PPM1H: variants seen among roughly 807,000 people sequenced by gnomAD.
PPM1H encodes the protein protein phosphatase 1H.
A neutral mutation model predicts 54.9 loss-of-function variants in PPM1H; 27 were observed. That is an observed-to-expected ratio of 0.49 (90% CI 0.36 to 0.68). PPM1H has a LOEUF of 0.68. Among genes scored for constraint, PPM1H ranks in the 30% least tolerant of loss-of-function variants. The pLI, the probability that PPM1H is intolerant of heterozygous loss-of-function variation, is 0.00. For synonymous variants in PPM1H, 305 were observed against 270.8 expected, an observed-to-expected ratio of 1.13 and a Z score of -1.24; for missense variants, 596 against 667.8, an observed-to-expected ratio of 0.89 and a Z score of 1.19.
At chr12:62,835,960 C>T (rs1415479813) in intron 1 of PPM1H, among the ~76,000 whole-genome samples, 1 of 152,170 alleles carries the variant, frequency 6.6e-6, no homozygotes, top group Non-Finnish European at 1.5e-5. Flanking sequence ...AACTTTGTTT[C>T]ACAAGCTGAG....
intron 1 of PPM1H, among the ~76,000 whole-genome samples, chr12:62,931,809 G>C (rs994801923): frequency 6.6e-6 from 1 of 152,176 alleles, no homozygotes; most frequent in Non-Finnish European, 1.5e-5. Flanking sequence ...GCACTAAAGA[G>C]TAAGCATTAA....
intron 3 of PPM1H, among the ~76,000 whole-genome samples, chr12:62,791,994 T>C (rs1447137891): frequency 6.6e-6 from 1 of 152,230 alleles, no homozygotes. Flanking sequence ...TGATGTTTGT[T>C]TGATAGACTT....
intron 1 of PPM1H, among the ~76,000 whole-genome samples, chr12:62,918,836 T>C (rs989012599): frequency 1.3e-5 from 2 of 152,234 alleles, no homozygotes; most frequent in African/African-American, 4.8e-5. Context: ...CTCATCAGTA[T>C]GTAGAATTAT....
chr12:62,802,935 G>A (rs2076780301), intron 2 of PPM1H, among the ~76,000 whole-genome samples: 1 of 152,140 alleles, frequency 6.6e-6, no homozygotes, highest in African/African-American at 2.4e-5. Context: ...GAGTAGGTTT[G>A]ATCTGGGGCC....
chr12:62,832,044 T>C, intron 2 of PPM1H, 70 bp downstream of exon 2: 1 of 1,534,032 alleles, frequency 6.5e-7, no homozygotes, highest in African/African-American at 1.4e-5. Flanking sequence ...GAAGCCCTAA[T>C]GTCTTCCAGT....
chr12:62,814,359 C>T (rs962661737), intron 2 of PPM1H, among the ~76,000 whole-genome samples: 78 of 152,012 alleles, frequency 5.1e-4, no homozygotes, highest in African/African-American at 1.8e-3. Flanking sequence ...GCTAGGACTA[C>T]AGGCATGTGC....
chr12:62,782,987 C>A (rs1443262300), intron 4 of PPM1H, among the ~76,000 whole-genome samples: 1 of 151,966 alleles, frequency 6.6e-6, no homozygotes, highest in Non-Finnish European at 1.5e-5. Context: ...AGCCACTACA[C>A]CCAGCTAATG....
chr12:62,690,622 T>C (rs971586640), intron 7 of PPM1H, among the ~76,000 whole-genome samples: 3 of 152,248 alleles, frequency 2.0e-5, no homozygotes, highest in East Asian at 1.9e-4. Context: ...GGGTGCCTAC[T>C]ATGTACTTAC....
intron 1 of PPM1H, among the ~76,000 whole-genome samples, chr12:62,863,167 C>T (rs558017159): frequency 2.0e-5 from 3 of 152,126 alleles, no homozygotes; most frequent in East Asian, 3.9e-4. Context: ...ACCGCAGGTG[C>T]GTGCCACTAC....
chr12:62,858,077 C>G (rs1159022766), intron 1 of PPM1H, among the ~76,000 whole-genome samples: 2 of 151,982 alleles, frequency 1.3e-5, no homozygotes, highest in Non-Finnish European at 2.9e-5. Context: ...CCACCACCAC[C>G]ACCCCATCAC....
chr12:62,720,460 A>T (rs929750799), intron 5 of PPM1H, among the ~76,000 whole-genome samples, 171 bp from the exon 6 acceptor site: 14 of 152,250 alleles, frequency 9.2e-5, no homozygotes, highest in Non-Finnish European at 1.8e-4. Flanking sequence ...GAAGACGAGC[A>T]CATAAAAATG....
At chr12:62,926,868 T>C (rs1039297385) in intron 1 of PPM1H, among the ~76,000 whole-genome samples, 1 of 152,126 alleles carries the variant, frequency 6.6e-6, no homozygotes, top group African/African-American at 2.4e-5. Context: ...GCAGGAGAAC[T>C]GCTTGCACCC....
intron 8 of PPM1H, among the ~76,000 whole-genome samples, chr12:62,676,734 C>T (rs963623846): frequency 3.9e-5 from 6 of 152,014 alleles, no homozygotes; most frequent in Admixed American, 6.6e-5. Context: ...GGAGGGAGGC[C>T]GAGGGGAAGG....
At chr12:62,695,482 T>G (rs1422805978) in intron 6 of PPM1H, among the ~76,000 whole-genome samples, 1 of 152,166 alleles carries the variant, frequency 6.6e-6, no homozygotes, top group East Asian at 1.9e-4. Flanking sequence ...TTGAGTGAGC[T>G]GAGAGGTATT....
chr12:62,914,899 C>G (rs563651440), intron 1 of PPM1H, among the ~76,000 whole-genome samples: 51 of 152,302 alleles, frequency 3.3e-4, no homozygotes, highest in African/African-American at 1.2e-3. Context: ...ATTAGCTTTA[C>G]TATCTAGAAA....
intron 5 of PPM1H, among the ~76,000 whole-genome samples, chr12:62,723,166 G>T (rs1172682288): frequency 6.6e-6 from 1 of 152,132 alleles, no homozygotes; most frequent in Non-Finnish European, 1.5e-5. Context: ...AGGAGCTGCT[G>T]GCTCACTGCC....
At chr12:62,789,300 G>C (rs1471567896) in intron 3 of PPM1H, among the ~76,000 whole-genome samples, 1 of 152,166 alleles carries the variant, frequency 6.6e-6, no homozygotes, top group African/African-American at 2.4e-5. Context: ...ACCCAGCCCA[G>C]ATATGATCAA....
chr12:62,883,267 C>T (rs1465003078), intron 1 of PPM1H, among the ~76,000 whole-genome samples: 1 of 152,114 alleles, frequency 6.6e-6, no homozygotes, highest in Non-Finnish European at 1.5e-5. Flanking sequence ...GACAGGCCAC[C>T]GTAACCAGCC....
Position 62,934,786 on chromosome 12 carries a change from CG to C in PPM1H, c.-51del. On this transcript the variant is annotated 5_prime_UTR_variant, in exon 1 of 10. It removes the in-frame stop codon of an upstream open reading frame in the 5' UTR. Transcript: ENST00000228705. This position sits in a 1 kb window ranked among gnomAD's most constrained non-coding sequence, Gnocchi z 4.2. ...GGTGCGAGCAGGAGGCGGCGGGGGCCGGGCAAGGCGCAGCGCGGGGCATGCA... is the reference window on the plus strand; with the variant it reads ...GGTGCGAGCAGGAGGCGGCGGGGGCCGGCAAGGCGCAGCGCGGGGCATGCA... The C allele has an allele frequency of 7.0e-7, 1 of 1,429,788 alleles. No homozygotes were observed. Among genetic ancestry groups the C allele is most frequent in the Non-Finnish European group, 9.2e-7 (1 of 1,088,750 alleles). The allele number at this position is 1,429,788 out of a possible 1,614,324, so 88.6% of individuals were successfully genotyped here.
Sources: gnomAD v4.1 joint callset for allele counts (sites outside exome capture counted in the v4.1 genomes callset) on GRCh38, gnomAD v4.1.1 for gene constraint, Gnocchi (gnomAD v3.1) non-coding constraint, MANE v1.5 for transcripts, NCBI Gene and HGNC (gene_info 2026-07-23, HGNC 2026-07-21) for gene names.